Variants in SLC38A1 observed in about 807,000 individuals in gnomAD.
SLC38A1 encodes solute carrier family 38 member 1, also known as sodium-coupled neutral amino acid symporter 1.
A neutral mutation model predicts 60.3 loss-of-function variants in SLC38A1; 18 were observed. The ratio of observed to expected loss-of-function variants is 0.30; its 90% confidence interval spans 0.21 to 0.44. SLC38A1 has a LOEUF of 0.44. SLC38A1 is among the 20% of genes least tolerant of loss of function. The probability of loss-of-function intolerance (pLI) is 1.00; values close to 1 mark genes in which losing one functional copy is unlikely to be tolerated. For missense variants in SLC38A1, 448 were observed against 587.2 expected (o/e 0.76, Z 2.45); for synonymous variants, 196 against 212.1 (o/e 0.92, Z 0.66).
chr12:46,192,819 C>A (rs1939200469), intron 16 of SLC38A1, among the ~76,000 whole-genome samples: 2 of 152,016 alleles, frequency 1.3e-5, no homozygotes, highest in Non-Finnish European at 2.9e-5. Flanking sequence ...TGATTCTTCT[C>A]TCTTTTCTTC....
intron 10 of SLC38A1, 57 bp downstream of exon 10, chr12:46,204,475 T>C: frequency 4.4e-6 from 7 of 1,592,456 alleles, no homozygotes; most frequent in Non-Finnish European, 6.0e-6. Flanking sequence ...AATGAATAAT[T>C]ATTACATGCC....
intron 3 of SLC38A1, among the ~76,000 whole-genome samples, chr12:46,231,249 A>G (rs2137988978): frequency 6.6e-6 from 1 of 152,184 alleles, no homozygotes; most frequent in East Asian, 1.9e-4. Context: ...CAACGGGTAC[A>G]CGTGGACATA....
At chr12:46,244,938 G>A (rs1229011484) in intron 1 of SLC38A1, among the ~76,000 whole-genome samples, 5 of 152,084 alleles carry the variant, frequency 3.3e-5, no homozygotes, top group African/African-American at 1.2e-4. Context: ...GTAGACAATG[G>A]TATAATGAAC....
chr12:46,248,563 C>G (rs1237553672), intron 1 of SLC38A1, among the ~76,000 whole-genome samples: 1 of 152,162 alleles, frequency 6.6e-6, no homozygotes, highest in Non-Finnish European at 1.5e-5. Context: ...GAGACTTAGA[C>G]TCCCACACAA....
chr12:46,241,331 G>A (rs1941440449), intron 2 of SLC38A1, among the ~76,000 whole-genome samples: 1 of 152,164 alleles, frequency 6.6e-6, no homozygotes, highest in South Asian at 2.1e-4. Flanking sequence ...CACAGAAAGT[G>A]CCTTAGAATG....
At chr12:46,234,540 T>A (rs993057138) in intron 3 of SLC38A1, among the ~76,000 whole-genome samples, 1 of 151,058 alleles carries the variant, frequency 6.6e-6, no homozygotes, top group Non-Finnish European at 1.5e-5. Flanking sequence ...CTCCGCCTCC[T>A]GGGTTCACGC....
At chr12:46,223,405 C>T (rs1940736195) in intron 5 of SLC38A1, among the ~76,000 whole-genome samples, 1 of 151,962 alleles carries the variant, frequency 6.6e-6, no homozygotes, top group Non-Finnish European at 1.5e-5. Flanking sequence ...GTGTACTATG[C>T]ACCACGCACT....
intron 4 of SLC38A1, 87 bp from the exon 5 acceptor site, chr12:46,229,355 C>T (rs774255976): frequency 3.7e-5 from 34 of 916,778 alleles, no homozygotes; most frequent in Non-Finnish European, 5.8e-5. Context: ...CTCTCAGGAA[C>T]CAATATGGAA....
chr12:46,195,714 C>A, intron 16 of SLC38A1: 2 of 190,822 alleles, frequency 1.0e-5, no homozygotes, highest in Non-Finnish European at 2.2e-5. Flanking sequence ...TAGACTGTTG[C>A]GCTAGCAGTG....
chr12:46,248,691 T>G (rs1266047349), intron 1 of SLC38A1, among the ~76,000 whole-genome samples: 1 of 152,056 alleles, frequency 6.6e-6, no homozygotes, highest in Non-Finnish European at 1.5e-5. Flanking sequence ...TCTACAGAAC[T>G]CTCCACCCCA....
chr12:46,221,673 G>A (rs376546703), intron 5 of SLC38A1, among the ~76,000 whole-genome samples: 2 of 152,328 alleles, frequency 1.3e-5, no homozygotes, highest in South Asian at 2.1e-4. Flanking sequence ...TGCAAATGCT[G>A]TTCTAGATCG....
intron 13 of SLC38A1, among the ~76,000 whole-genome samples, chr12:46,200,565 A>T (rs1027375223): frequency 3.9e-5 from 6 of 152,170 alleles, no homozygotes; most frequent in African/African-American, 1.4e-4. Flanking sequence ...GGTCAGTAAA[A>T]GTTACATATG....
intron 11 of SLC38A1, among the ~76,000 whole-genome samples, chr12:46,204,025 G>T (rs1321329489): frequency 6.6e-6 from 1 of 152,160 alleles, no homozygotes; most frequent in Non-Finnish European, 1.5e-5. Context: ...TTGTTAGTCT[G>T]TTTTTGAAGT....
chr12:46,198,149 C>A, intron 14 of SLC38A1, 89 bp from the exon 15 acceptor site: 5 of 1,382,288 alleles, frequency 3.6e-6, no homozygotes, highest in Non-Finnish European at 4.9e-6. Context: ...TATTGGTGCA[C>A]AGGAATTCAT....
chr12:46,246,883 G>A (rs1941639545), intron 1 of SLC38A1, among the ~76,000 whole-genome samples: 1 of 152,186 alleles, frequency 6.6e-6, no homozygotes, highest in Non-Finnish European at 1.5e-5. Flanking sequence ...TGATACCTGG[G>A]CAAACAGGGT....
intron 5 of SLC38A1, among the ~76,000 whole-genome samples, chr12:46,225,151 A>G (rs1258421809): frequency 1.3e-5 from 2 of 152,188 alleles, no homozygotes; most frequent in East Asian, 3.8e-4. Context: ...TGAACCATAA[A>G]TCGGCAGTGG....
intron 1 of SLC38A1, among the ~76,000 whole-genome samples, chr12:46,250,575 A>G (rs1305304328): frequency 1.3e-5 from 2 of 152,232 alleles, no homozygotes; most frequent in Admixed American, 6.5e-5. Context: ...ACATGATTGT[A>G]TATTTAGAAA....
intron 5 of SLC38A1, among the ~76,000 whole-genome samples, chr12:46,227,401 A>G (rs1940909533): frequency 6.6e-6 from 1 of 152,208 alleles, no homozygotes; most frequent in Admixed American, 6.5e-5. Context: ...GGTGATCAAG[A>G]GAGATTCCAA....
In SLC38A1 at chr12:46,225,371, T is replaced by C. The variant is rs187236468; in HGVS notation, c.314+3782A>G. On this transcript the variant is annotated intron_variant, in intron 5 of 16. Coordinates refer to ENST00000398637, the MANE Select transcript of SLC38A1 (RefSeq NM_030674.4). Reference sequence around the variant, plus strand: ...CTATCCTGGCAACAATCTGAATATATGTTCTCTGGAAAGTATACAATATAT... The same window carrying C: ...CTATCCTGGCAACAATCTGAATATACGTTCTCTGGAAAGTATACAATATAT... 3.2e-3 allele frequency among the ~76,000 whole-genome samples: 493 copies of C among 152,338 alleles called. 1 individual carries two copies. Among genetic ancestry groups the C allele is most frequent in the African/African-American group, 0.011 (462 of 41,578 alleles).
Sources: allele counts gnomAD v4.1 joint callset (sites outside exome capture counted in the v4.1 genomes callset), GRCh38; gene constraint gnomAD v4.1.1; transcripts MANE v1.5; gene names NCBI Gene and HGNC (gene_info 2026-07-23, HGNC 2026-07-21).